Variants in TRIM2 observed in about 807,000 individuals in gnomAD.
TRIM2 encodes tripartite motif containing 2.
In TRIM2, 20 loss-of-function variants were observed where a neutral mutation model predicts 75.2. The ratio of observed to expected loss-of-function variants is 0.27; its 90% CI spans 0.19 to 0.39. The LOEUF (loss-of-function observed/expected upper bound fraction) is 0.39, where lower values mean the gene tolerates loss of function less well. Among genes scored for constraint, TRIM2 ranks in the 10% least tolerant of loss-of-function variants. The probability of loss-of-function intolerance (pLI) is 1.00; values close to 1 mark genes in which losing one functional copy is unlikely to be tolerated. For synonymous variants in TRIM2, 373 were observed against 388.3 expected, an observed-to-expected ratio of 0.96 and a Z score of 0.46; for missense variants, 660 against 990.8, an observed-to-expected ratio of 0.67 and a Z score of 4.48.
chr4:153,190,612 T>C (rs1432344323), intron 1 of TRIM2, among the ~76,000 whole-genome samples: 1 of 152,040 alleles, frequency 6.6e-6, no homozygotes, highest in Non-Finnish European at 1.5e-5. Flanking sequence ...GAAACAAAAC[T>C]CAAACTAACT....
chr4:153,240,774 A>G (rs1260654511), intron 1 of TRIM2, among the ~76,000 whole-genome samples: 1 of 152,234 alleles, frequency 6.6e-6, no homozygotes, highest in Non-Finnish European at 1.5e-5. Flanking sequence ...TATTTTCAGT[A>G]AGTATATTAA....
chr4:153,152,491 A>T (rs552467351), upstream of TRIM2: 8 of 151,310 alleles, frequency 5.3e-5, no homozygotes, highest in South Asian at 1.7e-3. Context: ...TTGATATTCC[A>T]CTTGCAAAAC....
chr4:153,273,526 C>T (rs1757358711), intron 2 of TRIM2, among the ~76,000 whole-genome samples: 1 of 150,206 alleles, frequency 6.7e-6, no homozygotes. Context: ...ATCTCCTGCC[C>T]TCGTGATCCA....
chr4:153,213,745 T>G (rs1737713190), intron 1 of TRIM2, among the ~76,000 whole-genome samples: 1 of 152,144 alleles, frequency 6.6e-6, no homozygotes, highest in Non-Finnish European at 1.5e-5. Context: ...CAGCTGGTCT[T>G]GAACTCCTGA....
rs762859759 is a variant in TRIM2 at position 153,248,298 on chromosome 4, G to A, written c.31-22037G>A. The stretch of plus-strand genomic sequence containing the variant: ...GGCGTGAGCCACCGCACCCGGCCTA[G>A]ATCAGGTTCTTTACATAGACTAAAC... On this transcript the variant is annotated intron_variant, in intron 1 of 11. Coordinates refer to ENST00000338700, the MANE Select transcript of TRIM2 (RefSeq NM_015271.5). The surrounding 1 kb of genome is among the most constrained non-coding windows in gnomAD (Gnocchi z 4.0). Among the ~76,000 whole-genome samples the A allele has an allele frequency of 3.3e-5, 5 of 152,136 alleles. No individual in the cohort carries two copies. Among genetic ancestry groups the A allele is most frequent in the Non-Finnish European group, 7.4e-5 (5 of 68,018 alleles).
At chr4:153,257,816 G>A (rs985515782) in intron 1 of TRIM2, 1 of 342,992 alleles carries the variant, frequency 2.9e-6, no homozygotes, top group African/African-American at 2.2e-5. Flanking sequence ...GTGGATAACT[G>A]ATTTCTCCTG....
chr4:153,286,458 GC>G (rs1004248520), intron 3 of TRIM2, among the ~76,000 whole-genome samples: 2 of 151,988 alleles, frequency 1.3e-5, no homozygotes, highest in Admixed American at 1.3e-4. Context: ...CTGGTCCTGG[GC>G]TTTTCTGTGT....
chr4:153,165,265 C>G (rs1560778897), intron 1 of TRIM2, among the ~76,000 whole-genome samples: 1 of 152,126 alleles, frequency 6.6e-6, no homozygotes, highest in Non-Finnish European at 1.5e-5. Context: ...TGAAATAAAT[C>G]CTCCAGTAGT....
In TRIM2 at chr4:153,260,726, A is replaced by ACACAC. The variant is rs768881075; in HGVS notation, c.31-9609_31-9608insCACAC. On this transcript the variant is annotated intron_variant, in intron 1 of 11. Coordinates refer to ENST00000338700, the MANE Select transcript of TRIM2 (RefSeq NM_015271.5). ...CACACACACACACACACACACACACATCATCATCATCATCATCATGATCAT... is the reference window on the plus strand; with the variant it reads ...CACACACACACACACACACACACACACACACTCATCATCATCATCATCATGATCAT... Among the ~76,000 whole-genome samples the ACACAC allele has an allele frequency of 9.8e-3, 995 of 101,610 alleles. 19 individuals are homozygous for ACACAC. Among genetic ancestry groups the ACACAC allele is most frequent in the African/African-American group, 0.03 (811 of 26,670 alleles). The allele number at this position is 101,610 out of a possible 152,430, so 66.7% of individuals were successfully genotyped here. A position where few individuals can be genotyped will look rare whatever the true frequency, so the allele number is the denominator to read the frequency against.
At chr4:153,324,825 G>A (rs1486503799) in intron 10 of TRIM2, among the ~76,000 whole-genome samples, 2 of 152,174 alleles carry the variant, frequency 1.3e-5, no homozygotes, top group Non-Finnish European at 2.9e-5. Flanking sequence ...TTCCACTGAA[G>A]GTATGATCCG....
At chr4:153,260,739 T>A (rs1484684367) in intron 1 of TRIM2, among the ~76,000 whole-genome samples, 1 of 108,134 alleles carries the variant, frequency 9.2e-6, no homozygotes, top group Non-Finnish European at 1.8e-5. Context: ...ATCATCATCA[T>A]CATCATGATC....
chr4:153,332,693 C>A (rs552692854), intron 11 of TRIM2, among the ~76,000 whole-genome samples: 1 of 150,966 alleles, frequency 6.6e-6, no homozygotes, highest in South Asian at 2.1e-4. Context: ...AGAAATTTTA[C>A]TGAAGAGGAT....
At chr4:153,184,631 A>T (rs1732409274) in intron 1 of TRIM2, among the ~76,000 whole-genome samples, 1 of 152,196 alleles carries the variant, frequency 6.6e-6, no homozygotes, top group Admixed American at 6.5e-5. Flanking sequence ...CTGGCTTTTC[A>T]TACCAGATAT....
chr4:153,259,773 G>A (rs978413259), intron 1 of TRIM2, among the ~76,000 whole-genome samples: 2 of 152,152 alleles, frequency 1.3e-5, no homozygotes, highest in Non-Finnish European at 2.9e-5. Flanking sequence ...TTTTCATTGT[G>A]CAGATGGTCT....
chr4:153,246,580 G>A (rs1369394032), intron 1 of TRIM2, among the ~76,000 whole-genome samples: 2 of 152,206 alleles, frequency 1.3e-5, no homozygotes, highest in Admixed American at 1.3e-4. Context: ...GACTATCTGT[G>A]GCTCCTAACA....
rs1175948741 is a variant in TRIM2 at position 153,293,027 on chromosome 4, G to A, written c.499G>A (p.Glu167Lys). ...CQSCETAMCRECTEGEHAEHP... is the reference protein window; with the variant it reads ...CQSCETAMCRKCTEGEHAEHP... ...GTCCTGTGAGACTGCCATGTGTCGG[G>A]AGTGCACGGAGGGGGAGCACGCAGA... The change falls in exon 4 of 12, where the codon GAG (glutamate) becomes AAG (lysine). Residue 167 changes from glutamate to lysine, a missense_variant. Glu to Lys is a moderately conservative substitution (Grantham distance 56). Coordinates refer to ENST00000338700, the MANE Select transcript of TRIM2 (RefSeq NM_015271.5). 1 of 1,613,466 alleles carries A rather than the reference G, an allele frequency of 6.2e-7. No homozygotes were observed. Among genetic ancestry groups the A allele is most frequent in the East Asian group, 2.2e-5 (1 of 44,868 alleles).
chr4:153,174,182 A>G (rs1441463714), intron 1 of TRIM2, among the ~76,000 whole-genome samples: 1 of 74,266 alleles, frequency 1.3e-5, no homozygotes, highest in Non-Finnish European at 2.8e-5. Flanking sequence ...TTCTCCTTAC[A>G]CTTCTGGGGA....
chr4:153,283,400 G>A (rs924796371), intron 3 of TRIM2, among the ~76,000 whole-genome samples: 1 of 152,110 alleles, frequency 6.6e-6, no homozygotes, highest in African/African-American at 2.4e-5. Context: ...CTTTTTAATG[G>A]CTAAATAATA....
intron 1 of TRIM2, among the ~76,000 whole-genome samples, chr4:153,167,311 C>T (rs573394018): frequency 3.3e-5 from 5 of 152,126 alleles, no homozygotes; most frequent in South Asian, 2.1e-4. Flanking sequence ...ATGATCTTGC[C>T]GCGAAGATGG....
Sources: allele counts gnomAD v4.1 joint callset (sites outside exome capture counted in the v4.1 genomes callset), GRCh38; gene constraint gnomAD v4.1.1; non-coding constraint Gnocchi (gnomAD v3.1); transcripts MANE v1.5; gene names NCBI Gene and HGNC (gene_info 2026-07-23, HGNC 2026-07-21).